Variants in ANKRD28 observed in about 807,000 individuals in gnomAD.
ANKRD28 encodes ankyrin repeat domain 28.
In ANKRD28, 44 loss-of-function variants were observed where a neutral mutation model predicts 126.5. That is an observed-to-expected ratio of 0.35 (90% CI 0.27 to 0.45). ANKRD28 has a LOEUF of 0.45. Among genes scored for constraint, ANKRD28 ranks in the 20% least tolerant of loss-of-function variants. The probability of loss-of-function intolerance (pLI) is 1.00; values close to 1 mark genes in which losing one functional copy is unlikely to be tolerated. For synonymous variants in ANKRD28, 442 were observed against 468.5 expected (o/e 0.94, Z 0.73); for missense variants, 1,110 against 1,316.6 (o/e 0.84, Z 2.43).
At chr3:15,828,879 T>C (rs2061128860) in intron 1 of ANKRD28, among the ~76,000 whole-genome samples, 1 of 152,180 alleles carries the variant, frequency 6.6e-6, no homozygotes, top group Non-Finnish European at 1.5e-5. Flanking sequence ...TAATTTTATA[T>C]AGATAAGAAA....
intron 2 of ANKRD28, among the ~76,000 whole-genome samples, chr3:15,777,704 G>A (rs2059346064): frequency 6.6e-6 from 1 of 152,086 alleles, no homozygotes; most frequent in Non-Finnish European, 1.5e-5. Flanking sequence ...AAACACATGT[G>A]TACCCGAAAT....
At chr3:15,777,904 C>CACACACACA (rs1553631665) in intron 2 of ANKRD28, among the ~76,000 whole-genome samples, 4 of 67,028 alleles carry the variant, frequency 6.0e-5, no homozygotes, top group Non-Finnish European at 1.3e-4. Flanking sequence ...ACACACACAC[C>CACACACACA]CTCTCCGCCC....
At chr3:15,822,195 G>C (rs1291764291) in intron 1 of ANKRD28, among the ~76,000 whole-genome samples, 4 of 152,164 alleles carry the variant, frequency 2.6e-5, no homozygotes, top group Non-Finnish European at 5.9e-5. Context: ...AAAAAGTGAA[G>C]ACTAGGACAG....
Position 15,737,160 on chromosome 3 carries a change from T to C in ANKRD28, c.425A>G (p.His142Arg). The change falls in exon 5 of 28, where the codon CAT becomes CGT. Residue 142 changes from histidine (H) to arginine (R), a missense_variant. Transcript: ENST00000683139. ...ARDKNWQTPL[H>R]IAAANKAVKC... ...TACAGCTTTATTAGCAGCAGCTATATGTAAAGGGGTTTGCCAATTTTTGTC... is the reference window on the plus strand; with the variant it reads ...TACAGCTTTATTAGCAGCAGCTATACGTAAAGGGGTTTGCCAATTTTTGTC... 1.2e-6 allele frequency: 2 copies of C among 1,614,034 alleles called. No individual in the cohort carries two copies. Among genetic ancestry groups the C allele is most frequent in the Non-Finnish European group, 1.7e-6 (2 of 1,179,892 alleles).
intron 1 of ANKRD28, among the ~76,000 whole-genome samples, chr3:15,820,025 T>C (rs1241872920): frequency 6.6e-6 from 1 of 152,204 alleles, no homozygotes; most frequent in African/African-American, 2.4e-5. Flanking sequence ...TTTGGTCACA[T>C]GGTACTACAA....
intron 2 of ANKRD28, among the ~76,000 whole-genome samples, chr3:15,793,529 C>A (rs1575704112): frequency 6.6e-6 from 1 of 151,874 alleles, no homozygotes; most frequent in Non-Finnish European, 1.5e-5. Flanking sequence ...ATGTCAGCTA[C>A]AATAAACTTT....
Position 15,675,098 on chromosome 3 carries a change from C to T in ANKRD28, c.2965+800G>A, listed in dbSNP as rs554614378. ...CAGCCTGGCCAATATGGTGAAACTC[C>T]GTCTCTACTAAAAATACAAAATTTA... is the stretch of plus-strand genomic sequence containing the variant. On this transcript the variant is annotated intron_variant, in intron 27 of 27. Coordinates refer to ENST00000683139, the MANE Select transcript of ANKRD28 (RefSeq NM_001349278.2). Among the ~76,000 whole-genome samples, 38 of 152,210 alleles carry T rather than the reference C, an allele frequency of 2.5e-4. No homozygotes were observed. The South Asian group carries it at 2.9e-3, about 12-fold the overall frequency.
At chr3:15,820,211 A>G (rs2060913751) in intron 1 of ANKRD28, among the ~76,000 whole-genome samples, 1 of 152,188 alleles carries the variant, frequency 6.6e-6, no homozygotes, top group South Asian at 2.1e-4. Flanking sequence ...ATGTTTATCT[A>G]CATGTCTGTA....
chr3:15,814,373 A>G lies in ANKRD28; in HGVS notation c.28-19067T>C. ...GATCCTAGAAATTAAGGGCTATGTT[A>G]TTTATAAATAACTAGTACCTTAACA... On this transcript the variant is annotated intron_variant, in intron 1 of 27. Coordinates refer to the ANKRD28 transcript ENST00000399451. This position sits in a 1 kb window ranked among gnomAD's most constrained non-coding sequence, Gnocchi z 4.7. 1.1e-6 allele frequency: 1 copy of G among 874,700 alleles called. No individual in the cohort carries two copies. The highest frequency in any genetic ancestry group is 1.5e-6 in the Non-Finnish European group (1 of 651,118). 54.2% of individuals were successfully genotyped at this position (874,700 alleles called of 1,614,324 possible).
chr3:15,773,111 T>C (rs180796680), intron 2 of ANKRD28, among the ~76,000 whole-genome samples: 8 of 151,670 alleles, frequency 5.3e-5, no homozygotes, highest in Admixed American at 2.0e-4. Flanking sequence ...GGCATATTAT[T>C]TATAAAGAAA....
At chr3:15,826,437 T>C (rs539749081) in intron 1 of ANKRD28, among the ~76,000 whole-genome samples, 1 of 152,278 alleles carries the variant, frequency 6.6e-6, no homozygotes, top group South Asian at 2.1e-4. Context: ...TTTAAAATTT[T>C]AGAAAACATA....
At chr3:15,771,124 AC>A (rs1490107720) in intron 2 of ANKRD28, among the ~76,000 whole-genome samples, 2 of 152,134 alleles carry the variant, frequency 1.3e-5, no homozygotes, top group African/African-American at 4.8e-5. Context: ...GAAGCATGGC[AC>A]CAGGCAGGGC....
At position 15,830,519 on chromosome 3, in the gene ANKRD28, T is replaced by TCTAA. The variant is rs1213763822; in HGVS notation, c.27+28854_27+28857dup. 6.6e-6 allele frequency among the ~76,000 whole-genome samples: 1 copy of TCTAA among 152,108 alleles called. No individual in the cohort carries two copies. Among genetic ancestry groups the TCTAA allele is most frequent in the African/African-American group, 2.4e-5 (1 of 41,408 alleles). ...CTAGGTTATGTGCTTTTTACAACAC[T>TCTAA]CTAACTAATGCCTGATGATCTGAGG... On this transcript the variant is annotated intron_variant, in intron 1 of 27. Coordinates refer to the ANKRD28 transcript ENST00000399451. This position sits in a 1 kb window ranked among gnomAD's most constrained non-coding sequence, Gnocchi z 4.5.
Position 15,668,986 on chromosome 3 carries a change from T to C in ANKRD28, c.*1284A>G, listed in dbSNP as rs2066130637. The C allele has an allele frequency of 1.3e-5, 2 of 152,642 alleles. No homozygotes were observed. Among genetic ancestry groups the C allele is most frequent in the Admixed American group, 1.3e-4 (2 of 15,274 alleles). 9.5% of individuals were successfully genotyped at this position (152,642 alleles called of 1,614,324 possible). On this transcript the variant is annotated 3_prime_UTR_variant, in exon 28 of 28. Transcript: ENST00000683139. ...CAGTAAAAGCAGAACCACACAAATC[T>C]TTATTTAAAAGCCGAAATATCAGCC...
chr3:15,742,841 C>A (rs2057189323), intron 4 of ANKRD28, among the ~76,000 whole-genome samples: 1 of 146,860 alleles, frequency 6.8e-6, no homozygotes, highest in Non-Finnish European at 1.5e-5. Context: ...AGTGAGGAGC[C>A]CCTCTGCCCA....
intron 2 of ANKRD28, among the ~76,000 whole-genome samples, chr3:15,787,224 G>A (rs2059821288): frequency 6.6e-6 from 1 of 152,126 alleles, no homozygotes; most frequent in Non-Finnish European, 1.5e-5. Context: ...ATACCTGAGT[G>A]GAATACAAAT....
In ANKRD28 at chr3:15,817,954, TACTACCAATG is replaced by T. The variant is rs987623282; in HGVS notation, c.28-22658_28-22649del. Among the ~76,000 whole-genome samples the T allele has an allele frequency of 2.0e-5, 3 of 152,170 alleles. No individual in the cohort carries two copies. The highest frequency in any genetic ancestry group is 4.4e-5 in the Non-Finnish European group (3 of 68,042). ...ATAGATTACCATTGCTGTTTCTACA[TACTACCAATG>T]AACAACTGGAAATCAAAACAAAAAG... On this transcript the variant is annotated intron_variant, in intron 1 of 27. Transcript: ENST00000399451. The surrounding 1 kb of genome is among the most constrained non-coding windows in gnomAD (Gnocchi z 4.5).
chr3:15,792,577 G>A (rs1430213580), intron 2 of ANKRD28, among the ~76,000 whole-genome samples: 1 of 152,086 alleles, frequency 6.6e-6, no homozygotes, highest in African/African-American at 2.4e-5. Flanking sequence ...AGGGTAATGG[G>A]GGGTTGAGTG....
chr3:15,723,119 C>T (rs79048250), intron 7 of ANKRD28, among the ~76,000 whole-genome samples: 4,082 of 152,202 alleles, frequency 0.027, 187 homozygotes, highest in African/African-American at 0.091. Context: ...ACAAAGTTGC[C>T]TCATTTATCT....
Sources: gnomAD v4.1 joint callset for allele counts (sites outside exome capture counted in the v4.1 genomes callset) on GRCh38, gnomAD v4.1.1 for gene constraint, Gnocchi (gnomAD v3.1) non-coding constraint, MANE v1.5 for transcripts, NCBI Gene and HGNC (gene_info 2026-07-23, HGNC 2026-07-21) for gene names.